Variants in DMD observed in about 807,000 individuals in gnomAD.
DMD encodes the protein dystrophin.
DMD carries 63 observed loss-of-function variants against 330.1 expected under a neutral mutation model. That is an observed-to-expected ratio of 0.19 (90% CI 0.16 to 0.24). The LOEUF (loss-of-function observed/expected upper bound fraction) is 0.24. Ranked by LOEUF, DMD falls within the 10% of genes least tolerant of loss-of-function variation. DMD has a pLI of 1.00. For synonymous variants in DMD, 1,223 were observed against 959.8 expected, an observed-to-expected ratio of 1.27 and a Z score of -5.07; for missense variants, 3,344 against 2,684.1, an observed-to-expected ratio of 1.25 and a Z score of -5.43.
Position 31,836,760 on chromosome X carries a change from C to G in DMD, c.7158G>C (p.Gly2386=). ...CTGGTTTTTCCTTGTACAAATGCTG[C>G]CCTTTAGACAAAATCTCTTCCACAT... ...QPDVEEILSK[G]QHLYKEKPAT... Residue 2386 remains glycine, a synonymous_variant, in exon 49 of 79, where the codon GGG becomes GGC. Coordinates refer to ENST00000357033, the MANE Select transcript of DMD (RefSeq NM_004006.3). 8.3e-7 allele frequency: 1 copy of G among 1,211,653 alleles called. No homozygotes were observed. Among genetic ancestry groups the G allele is most frequent in the Non-Finnish European group, 1.1e-6 (1 of 895,375 alleles).
At chrX:31,372,223 G>A (rs753501106) in intron 60 of DMD, among the ~76,000 whole-genome samples, 10 of 112,030 alleles carry the variant, frequency 8.9e-5, no homozygotes, top group Non-Finnish European at 1.5e-4. Context: ...ACTGGCAAAA[G>A]TAGTGTTCTT....
rs772871224 is a variant in DMD, at chrX:33,207,036, G to A, written c.31+4246C>T. ...TTCCTCCTCCAACCCTCTACCCTCC[G>A]AAAGGCCCCAGGGTGTGTTGTTTCT... is the stretch of plus-strand genomic sequence containing the variant. On this transcript the variant is annotated intron_variant, in intron 1 of 78. Transcript: ENST00000357033. Among the ~76,000 whole-genome samples, 6 of 110,146 alleles carry A rather than the reference G, an allele frequency of 5.4e-5. No individual in the cohort carries two copies. In the East Asian group the frequency reaches 8.6e-4, roughly 16 times the overall value.
chrX:32,191,250 T>C lies in DMD; in HGVS notation c.6438+25666A>G, dbSNP rs181710073. ...AATTATTCAGCACAAGTTTAAATTT[T>C]TGTGTCCGTAACAGTCCTTCAAACA... On this transcript the variant is annotated intron_variant, in intron 44 of 78. Coordinates refer to ENST00000357033, the MANE Select transcript of DMD (RefSeq NM_004006.3). 1.8e-4 allele frequency among the ~76,000 whole-genome samples: 20 copies of C among 111,915 alleles called. No homozygotes were observed. The East Asian group carries it at 5.6e-3, about 32-fold the overall frequency.
intron 16 of DMD, among the ~76,000 whole-genome samples, chrX:32,546,222 C>G (rs228375): frequency 0.17 from 17,757 of 104,269 alleles, 1,473 homozygotes; most frequent in East Asian, 0.39. Context: ...CTCCGTCTCA[C>G]AGAGCTCCTC....
chrX:31,535,923 G>A (rs1370388793), intron 55 of DMD, among the ~76,000 whole-genome samples: 1 of 112,095 alleles, frequency 8.9e-6, no homozygotes, highest in African/African-American at 3.2e-5. Flanking sequence ...GGACAACTCT[G>A]AACACATCAG....
chrX:32,929,852 G>T (rs959359899), intron 2 of DMD, among the ~76,000 whole-genome samples: 6 of 111,201 alleles, frequency 5.4e-5, no homozygotes, highest in Non-Finnish European at 1.1e-4. Flanking sequence ...TGAGAATGAT[G>T]GTTTCCAGCT....
rs776385784 is a variant in DMD at position 33,211,466 on chromosome X, C to A, written c.-154G>T. Reference sequence around the variant, plus strand: ...TCAGTTTTTCCTATTCGTTTTTCTCCGAAGGTAATTGCCTCCCAGATCTGA... The same window carrying A: ...TCAGTTTTTCCTATTCGTTTTTCTCAGAAGGTAATTGCCTCCCAGATCTGA... On this transcript the variant is annotated 5_prime_UTR_variant, in exon 1 of 79. Coordinates refer to ENST00000357033, the MANE Select transcript of DMD (RefSeq NM_004006.3). 1.4e-5 allele frequency: 16 copies of A among 1,128,620 alleles called. No individual in the cohort carries two copies. Among genetic ancestry groups the A allele is most frequent in the African/African-American group, 1.3e-4 (7 of 54,254 alleles). The allele number at this position is 1,128,620 out of a possible 1,213,427, so 93.0% of individuals were successfully genotyped here.
chrX:31,822,994 T>G (rs2092807291), intron 49 of DMD, among the ~76,000 whole-genome samples: 1 of 90,330 alleles, frequency 1.1e-5, no homozygotes, highest in South Asian at 5.3e-4. Context: ...TCCACTTGAT[T>G]TTACGTGCCC....
At chrX:32,057,978 A>G (rs947672286) in intron 44 of DMD, among the ~76,000 whole-genome samples, 3 of 111,572 alleles carry the variant, frequency 2.7e-5, no homozygotes, top group African/African-American at 9.7e-5. Flanking sequence ...CAACTGGGAA[A>G]GGATATCCTC....
intron 11 of DMD, among the ~76,000 whole-genome samples, chrX:32,629,529 T>C (rs867725321): frequency 2.7e-5 from 3 of 111,584 alleles, no homozygotes; most frequent in Middle Eastern, 4.6e-3. Flanking sequence ...ATGTTATCAT[T>C]GGTACGTTAA....
chrX:32,307,252 G>A (rs967956486), intron 42 of DMD, among the ~76,000 whole-genome samples: 1 of 111,502 alleles, frequency 9.0e-6, no homozygotes, highest in South Asian at 3.7e-4. Context: ...GGTTTTTACT[G>A]TGTGCGATGG....
At chrX:33,050,890 TTCC>T (rs1372151397) in intron 1 of DMD, among the ~76,000 whole-genome samples, 1 of 112,083 alleles carries the variant, frequency 8.9e-6, no homozygotes, top group African/African-American at 3.2e-5. Context: ...GAGCAATTTC[TTCC>T]TCTTTTCTCA....
intron 2 of DMD, among the ~76,000 whole-genome samples, chrX:32,924,265 C>T (rs1283239637): frequency 8.9e-6 from 1 of 111,805 alleles, no homozygotes; most frequent in African/African-American, 3.3e-5. Context: ...TGATGGATCA[C>T]ACTTGTAATC....
At chrX:33,068,829 A>T (rs898010924) in intron 1 of DMD, among the ~76,000 whole-genome samples, 1 of 112,447 alleles carries the variant, frequency 8.9e-6, no homozygotes, top group African/African-American at 3.2e-5. Flanking sequence ...TATTTGTGGC[A>T]TCATTACAGC....
chrX:31,321,642 A>ACTTG (rs1454372181), intron 62 of DMD, among the ~76,000 whole-genome samples: 1 of 104,421 alleles, frequency 9.6e-6, no homozygotes, highest in Non-Finnish European at 2.0e-5. Flanking sequence ...AGGTTAAGTG[A>ACTTG]CTTGCCTAAA....
chrX:32,831,779 T>G (rs1457184771), intron 4 of DMD, among the ~76,000 whole-genome samples: 1 of 110,048 alleles, frequency 9.1e-6, no homozygotes, highest in East Asian at 2.8e-4. Context: ...TTCATACAAT[T>G]TTATTTTTGT....
At chrX:32,333,686 C>G (rs756770174) in intron 41 of DMD, among the ~76,000 whole-genome samples, 1 of 111,252 alleles carries the variant, frequency 9.0e-6, no homozygotes, top group African/African-American at 3.3e-5. Context: ...GATAATGCCT[C>G]TTCTCCATTG....
intron 55 of DMD, among the ~76,000 whole-genome samples, chrX:31,531,671 T>C (rs1334092877): frequency 5.6e-5 from 6 of 107,968 alleles, no homozygotes; most frequent in Admixed American, 1.0e-4. Flanking sequence ...GCAGAAGCTC[T>C]TGAGTTTAAT....
intron 1 of DMD, among the ~76,000 whole-genome samples, chrX:33,028,931 C>G (rs5927129): frequency 0.035 from 3,948 of 111,631 alleles, 129 homozygotes; most frequent in East Asian, 0.21. Context: ...CAGCCCAAAT[C>G]CCACTCATTA....
Sources: allele counts gnomAD v4.1 joint callset (sites outside exome capture counted in the v4.1 genomes callset), GRCh38; gene constraint gnomAD v4.1.1; transcripts MANE v1.5; gene names NCBI Gene and HGNC (gene_info 2026-07-23, HGNC 2026-07-21).